PMFBP1: variants seen among roughly 807,000 people sequenced by gnomAD.
PMFBP1 encodes polyamine modulated factor 1 binding protein 1, also known as polyamine-modulated factor 1-binding protein 1.
In PMFBP1, 131 loss-of-function variants were observed where a neutral mutation model predicts 137.8. That is an observed-to-expected ratio of 0.95 (90% CI 0.82 to 1.10). The LOEUF (loss-of-function observed/expected upper bound fraction) is 1.10. Ranked by LOEUF, PMFBP1 falls within the 50% of genes least tolerant of loss-of-function variation. PMFBP1 has a pLI of 0.00. For synonymous variants in PMFBP1, 490 were observed against 450.4 expected, an observed-to-expected ratio of 1.09 and a Z score of -1.11; for missense variants, 1,199 against 1,175.4, an observed-to-expected ratio of 1.02 and a Z score of -0.29.
the PMFBP1 span, among the ~76,000 whole-genome samples, chr16:72,196,108 T>C: frequency 6.6e-6 from 1 of 151,976 alleles, no homozygotes; most frequent in African/African-American, 2.4e-5. Flanking sequence ...CTAACCCTGG[T>C]TGCTCTAATT....
intron 4 of PMFBP1, among the ~76,000 whole-genome samples, chr16:72,151,919 T>TG (rs2042908061): frequency 6.6e-6 from 1 of 152,118 alleles, no homozygotes; most frequent in Non-Finnish European, 1.5e-5. Context: ...TTAGAAGTGC[T>TG]GGGGGGTTAA....
the PMFBP1 span, among the ~76,000 whole-genome samples, chr16:72,226,699 G>A: frequency 2.3e-4 from 35 of 152,116 alleles, no homozygotes; most frequent in Admixed American, 2.3e-3. Flanking sequence ...TAAGGTGGTT[G>A]AAATGATAAA....
At chr16:72,128,910 G>C in intron 13 of PMFBP1, 116 bp from the exon 14 acceptor site, 1 of 1,514,320 alleles carries the variant, frequency 6.6e-7, no homozygotes, top group East Asian at 2.3e-5. Flanking sequence ...CGGGAGCTCA[G>C]GCATTCTCGC....
intron 3 of PMFBP1, among the ~76,000 whole-genome samples, chr16:72,162,624 A>G (rs2043081171): frequency 6.6e-6 from 1 of 152,184 alleles, no homozygotes; most frequent in Non-Finnish European, 1.5e-5. Context: ...CTAATTGTGG[A>G]TTTGTATGCA....
At chr16:72,125,030 C>T (rs140778269) in intron 16 of PMFBP1, 96 bp from the exon 17 acceptor site, 736 of 1,471,524 alleles carry the variant, frequency 5.0e-4, no homozygotes, top group Non-Finnish European at 6.2e-4. Context: ...CCTTGGGATA[C>T]GTGTTGGGGG....
At position 72,163,715 on chromosome 16, in the gene PMFBP1, T is replaced by C. The variant is rs138227639; in HGVS notation, c.165+1049A>G. On this transcript the variant is annotated intron_variant, in intron 3 of 20. Coordinates refer to ENST00000237353, the MANE Select transcript of PMFBP1 (RefSeq NM_031293.3). ...GTTCCATGTTTTCGCATGTGGTATA[T>C]ATATACAATGGAATACTACTCAGCC... Among the ~76,000 whole-genome samples the C allele has an allele frequency of 2.9e-3, 441 of 152,298 alleles. 2 individuals are homozygous for C. The highest frequency in any genetic ancestry group is 0.01 in the African/African-American group (422 of 41,558).
chr16:72,125,287 T>C lies in PMFBP1; in HGVS notation c.2372A>G (p.Asn791Ser), dbSNP rs1465796650. The change falls in exon 16 of 21, where the codon AAT (asparagine) becomes AGT (serine). Residue 791 changes from asparagine (N) to serine (S), a missense_variant. Transcript: ENST00000237353. ...GCCCCGCAGTTTTCTTAATTCCGTATTGAGCTTTTTCATCCTTTCCTCATA... is the reference window on the plus strand; with the variant it reads ...GCCCCGCAGTTTTCTTAATTCCGTACTGAGCTTTTTCATCCTTTCCTCATA... ...IAYEERMKKL[N>S]TELRKLRGFH... 3 of 1,614,176 alleles carry C rather than the reference T, an allele frequency of 1.9e-6. No individual in the cohort carries two copies. Among genetic ancestry groups the C allele is most frequent in the East Asian group, 2.2e-5 (1 of 44,882 alleles).
At chr16:72,229,270 G>A in the PMFBP1 span, among the ~76,000 whole-genome samples, 1 of 152,100 alleles carries the variant, frequency 6.6e-6, no homozygotes. Context: ...GGGCATTTAG[G>A]TTGATTGCAT....
chr16:72,155,827 C>G (rs1348051654), intron 3 of PMFBP1, among the ~76,000 whole-genome samples: 5 of 152,106 alleles, frequency 3.3e-5, no homozygotes, highest in African/African-American at 1.2e-4. Context: ...ATCAACCCCC[C>G]ACGTTTCCTC....
At chr16:72,232,837 C>G in the PMFBP1 span, among the ~76,000 whole-genome samples, 1 of 152,034 alleles carries the variant, frequency 6.6e-6, no homozygotes, top group African/African-American at 2.4e-5. Context: ...TGAACATGTT[C>G]TAAGTGTTAG....
At chr16:72,134,503 G>C (rs1461195121) in intron 9 of PMFBP1, among the ~76,000 whole-genome samples, 1 of 152,172 alleles carries the variant, frequency 6.6e-6, no homozygotes, top group Non-Finnish European at 1.5e-5. Context: ...GATCTTAAAA[G>C]TGCAAGTCAG....
chr16:72,129,840 T>C (rs2042520236), intron 12 of PMFBP1, among the ~76,000 whole-genome samples: 2 of 152,036 alleles, frequency 1.3e-5, no homozygotes, highest in Admixed American at 1.3e-4. Context: ...TAATGACTGA[T>C]ATGTTTAATC....
chr16:72,197,843 T>C, the PMFBP1 span, among the ~76,000 whole-genome samples: 8 of 152,140 alleles, frequency 5.3e-5, no homozygotes, highest in Non-Finnish European at 8.8e-5. Context: ...GCCACTTCTG[T>C]CACTCTGCAT....
chr16:72,117,385 G>C (rs946347939), downstream of PMFBP1, among the ~76,000 whole-genome samples: 11 of 152,010 alleles, frequency 7.2e-5, no homozygotes, highest in African/African-American at 2.7e-4. Context: ...TTCACTATTA[G>C]TTCTACCAGG....
intron 14 of PMFBP1, chr16:72,128,304 T>C: frequency 1.8e-6 from 2 of 1,125,148 alleles, no homozygotes; most frequent in Non-Finnish European, 2.3e-6. Flanking sequence ...CCCTTTCATC[T>C]CCTTTTTGTG....
chr16:72,123,256 C>G (rs928621800), intron 18 of PMFBP1, among the ~76,000 whole-genome samples: 3 of 152,170 alleles, frequency 2.0e-5, no homozygotes, highest in Admixed American at 6.5e-5. Context: ...AAGCTGGATC[C>G]TGGGATGGGA....
At chr16:72,179,320 AT>A (rs1410747741), upstream of PMFBP1, among the ~76,000 whole-genome samples, 1 of 152,204 alleles carries the variant, frequency 6.6e-6, no homozygotes, top group Non-Finnish European at 1.5e-5. Context: ...ACTGATTTAT[AT>A]TTTAATATCA....
the PMFBP1 span, among the ~76,000 whole-genome samples, chr16:72,245,771 G>T: frequency 6.6e-6 from 1 of 152,112 alleles, no homozygotes; most frequent in Non-Finnish European, 1.5e-5. Flanking sequence ...TTAACTCTCT[G>T]CTGATGGCTT....
At chr16:72,154,481 C>CA (rs1555545911) in intron 3 of PMFBP1, 22 bp from the exon 4 acceptor site, 2 of 1,603,542 alleles carry the variant, frequency 1.2e-6, no homozygotes, top group Non-Finnish European at 1.7e-6. Context: ...ACAGGATATA[C>CA]AAAAAAGGCT....
Sources: gnomAD v4.1 joint callset for allele counts (sites outside exome capture counted in the v4.1 genomes callset) on GRCh38, gnomAD v4.1.1 for gene constraint, MANE v1.5 for transcripts, NCBI Gene and HGNC (gene_info 2026-07-23, HGNC 2026-07-21) for gene names.